The following KIF6 variants were observed in gnomAD, a reference collection of about 807,000 sequenced individuals.
KIF6 encodes the protein kinesin-like protein KIF6.
Under a neutral mutation model 112.7 loss-of-function variants are expected in KIF6, and 106 were observed. That is an observed-to-expected ratio of 0.94 (90% CI 0.80 to 1.11). KIF6 has a LOEUF of 1.11. Among genes scored for constraint, KIF6 ranks in the 50% least tolerant of loss-of-function variants. The probability of loss-of-function intolerance (pLI) is 0.00; values close to 1 mark genes in which losing one functional copy is unlikely to be tolerated. For missense variants in KIF6, 929 were observed against 964.0 expected (o/e 0.96, Z 0.48); for synonymous variants, 339 against 339.9 (o/e 1.00, Z 0.03).
intron 16 of KIF6, among the ~76,000 whole-genome samples, chr6:39,366,945 T>A (rs1377493191): frequency 3.3e-5 from 5 of 151,912 alleles, no homozygotes; most frequent in African/African-American, 1.2e-4. Context: ...GAACAACAGT[T>A]AATGTGGAGG....
intron 6 of KIF6, among the ~76,000 whole-genome samples, chr6:39,603,448 C>A (rs990542585): frequency 9.2e-5 from 14 of 151,982 alleles, no homozygotes; most frequent in African/African-American, 3.1e-4. Context: ...AACCTCAAAT[C>A]TCATTGAATA....
rs1764088933 is a variant in KIF6 at position 39,349,687 on chromosome 6, G to A, written c.2181-3161C>T. 2.4e-5 allele frequency among the ~76,000 whole-genome samples: 3 copies of A among 125,608 alleles called. No homozygotes were observed. The South Asian group carries it at 7.6e-4, about 32-fold the overall frequency. The allele number at this position is 125,608 out of a possible 152,430, so 82.4% of individuals were successfully genotyped here. On this transcript the variant is annotated intron_variant, in intron 19 of 22. Transcript: ENST00000287152. Reference sequence around the variant, plus strand: ...GAGACAGGGTCTTGCTCTGTCTCCAGGCTAGAGTGCTGTGGTGTGATCTCA... The same window carrying A: ...GAGACAGGGTCTTGCTCTGTCTCCAAGCTAGAGTGCTGTGGTGTGATCTCA...
In KIF6 at chr6:39,330,217, G is replaced by A. The variant is rs1453125552; in HGVS notation, c.*6315C>T. 6.6e-6 allele frequency: 1 copy of A among 152,188 alleles called. No homozygotes were observed. Among genetic ancestry groups the A allele is most frequent in the Non-Finnish European group, 1.5e-5 (1 of 68,058 alleles). 9.4% of individuals were successfully genotyped at this position (152,188 alleles called of 1,614,324 possible). ...CCCTAAAACAGCTTCATAGGCATAAGTCCTAGAGCACCTTGGGACATCTGG... is the reference window on the plus strand; with the variant it reads ...CCCTAAAACAGCTTCATAGGCATAAATCCTAGAGCACCTTGGGACATCTGG... On this transcript the variant is annotated 3_prime_UTR_variant, in exon 23 of 23. Transcript: ENST00000287152.
chr6:39,345,578 G>A (rs1435395091), intron 21 of KIF6, 122 bp downstream of exon 21: 2 of 727,186 alleles, frequency 2.8e-6, no homozygotes, highest in Admixed American at 5.4e-5. Flanking sequence ...GCAGAGGCCA[G>A]ACCTGGGTTC....
At chr6:39,431,014 G>T in intron 14 of KIF6, 39 bp downstream of exon 14, 1 of 1,301,996 alleles carries the variant, frequency 7.7e-7, no homozygotes, top group Non-Finnish European at 1.1e-6. Flanking sequence ...TGGCCTGGCT[G>T]AGCCTCGGAG....
At chr6:39,622,634 AG>A (rs1310057372) in intron 5 of KIF6, among the ~76,000 whole-genome samples, 6 of 152,134 alleles carry the variant, frequency 3.9e-5, no homozygotes, top group African/African-American at 1.4e-4. Context: ...GATTTTGTTC[AG>A]GGAATTATTT....
intron 3 of KIF6, among the ~76,000 whole-genome samples, chr6:39,640,561 C>T (rs943469337): frequency 7.2e-5 from 11 of 152,222 alleles, no homozygotes; most frequent in African/African-American, 2.4e-4. Flanking sequence ...ATGACATCAG[C>T]TATTGGTCCC....
At chr6:39,439,685 C>G (rs574215665) in intron 13 of KIF6, among the ~76,000 whole-genome samples, 60 of 152,152 alleles carry the variant, frequency 3.9e-4, no homozygotes, top group Non-Finnish European at 7.5e-4. Flanking sequence ...GTCCCTTACC[C>G]ACTTCTTAAT....
At chr6:39,439,579 A>G (rs1206271280) in intron 13 of KIF6, among the ~76,000 whole-genome samples, 1 of 152,222 alleles carries the variant, frequency 6.6e-6, no homozygotes, top group Non-Finnish European at 1.5e-5. Context: ...GTGGTCAAAG[A>G]GCACATAGGT....
At chr6:39,640,109 G>GTA (rs1246079023) in intron 3 of KIF6, among the ~76,000 whole-genome samples, 2 of 152,006 alleles carry the variant, frequency 1.3e-5, no homozygotes, top group African/African-American at 4.8e-5. Flanking sequence ...CTGACACCTG[G>GTA]TACCTCACAT....
At chr6:39,609,114 TAGA>T (rs1175081850) in intron 6 of KIF6, among the ~76,000 whole-genome samples, 2 of 151,872 alleles carry the variant, frequency 1.3e-5, no homozygotes, top group African/African-American at 2.4e-5. Context: ...GAGCCAGGGG[TAGA>T]AAAGAAGGTC....
chr6:39,552,000 G>A (rs571109237), intron 10 of KIF6, among the ~76,000 whole-genome samples: 43 of 152,162 alleles, frequency 2.8e-4, no homozygotes, highest in African/African-American at 6.5e-4. Flanking sequence ...TAGAATTTTC[G>A]GCTCCATCCC....
chr6:39,428,566 T>G (rs1234824887), intron 14 of KIF6, among the ~76,000 whole-genome samples: 1 of 152,228 alleles, frequency 6.6e-6, no homozygotes, highest in East Asian at 1.9e-4. Flanking sequence ...CTTGTTTTAT[T>G]CGTTTATTCA....
At chr6:39,384,137 C>T (rs1334267562) in intron 16 of KIF6, among the ~76,000 whole-genome samples, 1 of 152,182 alleles carries the variant, frequency 6.6e-6, no homozygotes, top group African/African-American at 2.4e-5. Flanking sequence ...TTATTTCTTT[C>T]TCTGGCCTAA....
chr6:39,595,775 T>C (rs1397979616), intron 7 of KIF6, among the ~76,000 whole-genome samples: 5 of 152,050 alleles, frequency 3.3e-5, no homozygotes, highest in Non-Finnish European at 5.9e-5. Flanking sequence ...AGACAGAAAG[T>C]AGAGTAGAGA....
chr6:39,511,776 G>C (rs942252606), intron 13 of KIF6, among the ~76,000 whole-genome samples: 8 of 152,350 alleles, frequency 5.3e-5, no homozygotes, highest in African/African-American at 1.7e-4. Context: ...AACAGGATGA[G>C]TTCATGTCCT....
chr6:39,389,977 G>A (rs570136212), intron 15 of KIF6, among the ~76,000 whole-genome samples: 1 of 145,810 alleles, frequency 6.9e-6, no homozygotes, highest in Non-Finnish European at 1.5e-5. Flanking sequence ...GTTGCAATGA[G>A]CCAAGATCGC....
At chr6:39,522,057 C>CT (rs148382893) in intron 13 of KIF6, among the ~76,000 whole-genome samples, 4,606 of 152,238 alleles carry the variant, frequency 0.03, 103 homozygotes, top group Middle Eastern at 0.054. Context: ...CAGTTTAACT[C>CT]TCCCACACAC....
chr6:39,444,669 C>G (rs548024489), intron 13 of KIF6, among the ~76,000 whole-genome samples: 1 of 151,010 alleles, frequency 6.6e-6, no homozygotes, highest in Non-Finnish European at 1.5e-5. Context: ...CCCCTGGCAA[C>G]TACCATTCTA....
Sources: gnomAD v4.1 joint callset for allele counts (sites outside exome capture counted in the v4.1 genomes callset) on GRCh38, gnomAD v4.1.1 for gene constraint, MANE v1.5 for transcripts, NCBI Gene and HGNC (gene_info 2026-07-23, HGNC 2026-07-21) for gene names.